Variants in LINGO2 observed in about 807,000 individuals in gnomAD.
The protein encoded by LINGO2 is leucine rich repeat and Ig domain containing 2, also known as leucine-rich repeat and immunoglobulin-like domain-containing nogo receptor-interacting protein 2.
Under a neutral mutation model 30.6 loss-of-function variants are expected in LINGO2, and 14 were observed. The ratio of observed to expected loss-of-function variants is 0.46; its 90% confidence interval spans 0.30 to 0.72. The LOEUF (loss-of-function observed/expected upper bound fraction) is 0.72, where lower values mean the gene tolerates loss of function less well. Ranked by LOEUF, LINGO2 falls within the 30% of genes least tolerant of loss-of-function variation. LINGO2 has a pLI of 0.07. For synonymous variants in LINGO2, 317 were observed against 288.5 expected (o/e 1.10, Z -1.00); for missense variants, 729 against 751.7 (o/e 0.97, Z 0.35).
chr9:28,706,719 A>G, the LINGO2 span, among the ~76,000 whole-genome samples: 8 of 152,100 alleles, frequency 5.3e-5, no homozygotes, highest in Non-Finnish European at 1.2e-4. Context: ...TTTAGGGGAC[A>G]TGTAACTACT....
At chr9:28,330,104 AG>A (rs1331511525) in intron 3 of LINGO2, among the ~76,000 whole-genome samples, 2 of 152,288 alleles carry the variant, frequency 1.3e-5, no homozygotes, top group East Asian at 3.9e-4. Context: ...TAACTTTATA[AG>A]AACGAACAGG....
At chr9:28,779,011 A>C in the LINGO2 span, among the ~76,000 whole-genome samples, 1 of 152,160 alleles carries the variant, frequency 6.6e-6, no homozygotes, top group South Asian at 2.1e-4. Context: ...AATAAAACCC[A>C]TATCTATTCT....
At chr9:28,541,322 C>T (rs1347210402) in intron 1 of LINGO2, among the ~76,000 whole-genome samples, 2 of 152,148 alleles carry the variant, frequency 1.3e-5, no homozygotes, top group East Asian at 3.9e-4. Flanking sequence ...TTTAAAAAAA[C>T]ACTTCTCTCC....
chr9:29,004,869 C>G, the LINGO2 span, among the ~76,000 whole-genome samples: 2 of 151,898 alleles, frequency 1.3e-5, no homozygotes, highest in Admixed American at 1.3e-4. Context: ...CCTGTACCTC[C>G]TTGGACAATT....
At chr9:28,708,541 G>A in the LINGO2 span, among the ~76,000 whole-genome samples, 1 of 152,038 alleles carries the variant, frequency 6.6e-6, no homozygotes, top group Non-Finnish European at 1.5e-5. Context: ...TTGTCTGGGG[G>A]GAGAACTTGG....
chr9:29,119,764 A>T, the LINGO2 span, among the ~76,000 whole-genome samples: 3 of 151,468 alleles, frequency 2.0e-5, no homozygotes, highest in African/African-American at 7.3e-5. Flanking sequence ...ACACCCGGCT[A>T]ATTTTGTGTT....
intron 4 of LINGO2, among the ~76,000 whole-genome samples, chr9:28,125,446 T>A (rs1270941296): frequency 7.2e-5 from 11 of 152,212 alleles, no homozygotes; most frequent in Admixed American, 7.2e-4. Flanking sequence ...GCACATTAAT[T>A]TATGGAATAT....
chr9:29,143,533 C>T, the LINGO2 span, among the ~76,000 whole-genome samples: 891 of 152,142 alleles, frequency 5.9e-3, 8 homozygotes, highest in African/African-American at 0.021. Flanking sequence ...TACTCTTAGA[C>T]AAAGGTACCG....
At chr9:28,529,709 T>C (rs1821159965) in intron 1 of LINGO2, among the ~76,000 whole-genome samples, 1 of 150,940 alleles carries the variant, frequency 6.6e-6, no homozygotes, top group Admixed American at 6.6e-5. Context: ...ATCGGGTAGG[T>C]TGGAAAAGTT....
At chr9:28,521,543 C>T (rs745732966) in intron 1 of LINGO2, among the ~76,000 whole-genome samples, 5 of 152,102 alleles carry the variant, frequency 3.3e-5, no homozygotes, top group Non-Finnish European at 5.9e-5. Context: ...CCCATTTTTC[C>T]TTCTGAAAAA....
At chr9:28,183,095 A>G (rs1384654023) in intron 4 of LINGO2, among the ~76,000 whole-genome samples, 3 of 151,920 alleles carry the variant, frequency 2.0e-5, no homozygotes, top group Non-Finnish European at 4.4e-5. Flanking sequence ...AAGAAAATGT[A>G]CATACACACC....
intron 1 of LINGO2, among the ~76,000 whole-genome samples, chr9:28,528,755 G>A (rs1821120372): frequency 6.8e-6 from 1 of 146,552 alleles, no homozygotes; most frequent in Non-Finnish European, 1.5e-5. Context: ...ATTCTCTGCA[G>A]CAAAGGTGTG....
At chr9:27,961,628 G>A (rs986199707) in intron 5 of LINGO2, among the ~76,000 whole-genome samples, 13 of 152,184 alleles carry the variant, frequency 8.5e-5, no homozygotes, top group African/African-American at 2.7e-4. Context: ...AGTGTTTTAT[G>A]CAAAAGAGTG....
At chr9:28,324,806 A>G (rs937377649) in intron 3 of LINGO2, among the ~76,000 whole-genome samples, 1 of 152,272 alleles carries the variant, frequency 6.6e-6, no homozygotes, top group African/African-American at 2.4e-5. Context: ...GTAAAAATAC[A>G]TATAAGCAGC....
At chr9:28,767,730 G>A in the LINGO2 span, among the ~76,000 whole-genome samples, 1 of 145,048 alleles carries the variant, frequency 6.9e-6, no homozygotes, top group African/African-American at 2.5e-5. Context: ...AGCTTGCAGT[G>A]AGCCGAGATC....
intron 4 of LINGO2, among the ~76,000 whole-genome samples, chr9:28,241,286 A>AG (rs1307176021): frequency 4.2e-5 from 3 of 70,944 alleles, no homozygotes; most frequent in South Asian, 7.5e-4. Context: ...AAAAAAAAAA[A>AG]AAAAAAGAAA....
At chr9:28,620,987 A>G (rs968809935) in intron 1 of LINGO2, among the ~76,000 whole-genome samples, 12 of 152,088 alleles carry the variant, frequency 7.9e-5, no homozygotes, top group African/African-American at 2.7e-4. Flanking sequence ...AATCAAAGTT[A>G]TAAAAACCAG....
At chr9:28,693,259 T>C in the LINGO2 span, among the ~76,000 whole-genome samples, 6 of 152,220 alleles carry the variant, frequency 3.9e-5, no homozygotes, top group East Asian at 1.9e-4. Context: ...TACGAAATGA[T>C]AGAAATCAAG....
chr9:28,073,858 C>T (rs1342741418), intron 4 of LINGO2, among the ~76,000 whole-genome samples: 1 of 152,136 alleles, frequency 6.6e-6, no homozygotes, highest in Non-Finnish European at 1.5e-5. Flanking sequence ...CCACACCACT[C>T]TCTCTACAAT....
Sources: gnomAD v4.1 joint callset for allele counts (sites outside exome capture counted in the v4.1 genomes callset) on GRCh38, gnomAD v4.1.1 for gene constraint, MANE v1.5 for transcripts, NCBI Gene and HGNC (gene_info 2026-07-23, HGNC 2026-07-21) for gene names.